SHANK2: variants seen among roughly 807,000 people sequenced by gnomAD.
SHANK2 encodes SH3 and multiple ankyrin repeat domains protein 2.
Under a neutral mutation model 133.7 loss-of-function variants are expected in SHANK2, and 43 were observed. The ratio of observed to expected loss-of-function variants is 0.32; its 90% CI spans 0.25 to 0.41. The LOEUF (loss-of-function observed/expected upper bound fraction) is 0.41, where lower values mean the gene tolerates loss of function less well. Among genes scored for constraint, SHANK2 ranks in the 10% least tolerant of loss-of-function variants. The pLI is 1.00. For synonymous variants in SHANK2, 1,017 were observed against 952.8 expected, an observed-to-expected ratio of 1.07 and a Z score of -1.24; for missense variants, 1,994 against 2,235.8, an observed-to-expected ratio of 0.89 and a Z score of 2.18.
intron 2 of SHANK2, among the ~76,000 whole-genome samples, chr11:71,189,072 G>A (rs1200902514): frequency 3.9e-5 from 6 of 152,192 alleles, no homozygotes; most frequent in East Asian, 1.9e-4. Context: ...GAGGCTCTCC[G>A]GGTTGGGTTG....
intron 2 of SHANK2, among the ~76,000 whole-genome samples, chr11:71,178,917 G>A (rs1156286326): frequency 6.6e-6 from 1 of 152,138 alleles, no homozygotes; most frequent in Non-Finnish European, 1.5e-5. Context: ...TGGGAGGCAG[G>A]GGTTGCAGTG....
intron 2 of SHANK2, among the ~76,000 whole-genome samples, chr11:71,172,663 G>A (rs1281738552): frequency 6.6e-6 from 1 of 151,912 alleles, no homozygotes; most frequent in African/African-American, 2.4e-5. Context: ...GCATCTTCCC[G>A]TGTTTCCAAT....
intron 14 of SHANK2, among the ~76,000 whole-genome samples, chr11:70,727,825 G>C (rs774203560): frequency 2.0e-5 from 3 of 152,206 alleles, no homozygotes; most frequent in African/African-American, 7.2e-5. Flanking sequence ...CCCCCAAGAC[G>C]CTGGATGGGG....
At chr11:70,770,579 G>C (rs1947226777) in intron 14 of SHANK2, among the ~76,000 whole-genome samples, 1 of 152,198 alleles carries the variant, frequency 6.6e-6, no homozygotes, top group Non-Finnish European at 1.5e-5. Context: ...CTCTAAAACG[G>C]GTCCTCAGAT....
chr11:71,165,148 C>A (rs1483308157), intron 2 of SHANK2, among the ~76,000 whole-genome samples: 2 of 151,576 alleles, frequency 1.3e-5, no homozygotes, highest in African/African-American at 4.8e-5. Context: ...ATTCTCTTGT[C>A]TCAGCCTCCC....
intron 17 of SHANK2, among the ~76,000 whole-genome samples, chr11:70,626,171 GT>G (rs1466104634): frequency 6.6e-6 from 1 of 152,172 alleles, no homozygotes; most frequent in Admixed American, 6.5e-5. Context: ...CAGCAGCACC[GT>G]TTGCTGGGCC....
At chr11:70,783,679 A>C (rs1555045741) in intron 14 of SHANK2, among the ~76,000 whole-genome samples, 1 of 150,056 alleles carries the variant, frequency 6.7e-6, no homozygotes, top group Non-Finnish European at 1.5e-5. Context: ...GGAGCTGAGG[A>C]GGCAGAGGGG....
At position 70,788,783 on chromosome 11, in the gene SHANK2, G is replaced by C. The variant is rs181128294; in HGVS notation, c.1777+9660C>G. Among the ~76,000 whole-genome samples, 410 of 152,316 alleles carry C rather than the reference G, an allele frequency of 2.7e-3. 2 individuals carry two copies. The highest frequency in any genetic ancestry group is 9.0e-3 in the African/African-American group (373 of 41,564). ...AAGTGTGTCCTGAAACCCCGACGAG[G>C]CCACACAGGGTGTCCTATAGGAGAC... On this transcript the variant is annotated intron_variant, in intron 14 of 25. Coordinates refer to ENST00000601538, the MANE Select transcript of SHANK2 (RefSeq NM_012309.5).
chr11:70,774,413 A>G (rs1430024978), intron 14 of SHANK2, among the ~76,000 whole-genome samples: 1 of 151,736 alleles, frequency 6.6e-6, no homozygotes, highest in African/African-American at 2.4e-5. Context: ...TCCACCTCCC[A>G]GGTTCAAGCA....
chr11:71,125,761 G>A (rs1367565091), intron 3 of SHANK2, among the ~76,000 whole-genome samples: 1 of 152,226 alleles, frequency 6.6e-6, no homozygotes, highest in Non-Finnish European at 1.5e-5. Context: ...TCTATTGAAA[G>A]AAGATGGCAT....
At chr11:70,744,347 G>A (rs1309099166) in intron 14 of SHANK2, among the ~76,000 whole-genome samples, 1 of 152,204 alleles carries the variant, frequency 6.6e-6, no homozygotes, top group Non-Finnish European at 1.5e-5. Context: ...AAGCATCACT[G>A]AGACCCATGT....
intron 17 of SHANK2, among the ~76,000 whole-genome samples, chr11:70,542,707 G>T (rs1208093548): frequency 6.6e-6 from 1 of 152,166 alleles, no homozygotes; most frequent in Non-Finnish European, 1.5e-5. Context: ...AGTCATGTGG[G>T]CCTGAGTGGC....
At position 70,905,819 on chromosome 11, in the gene SHANK2, T is replaced by G. The variant is rs561483083; in HGVS notation, c.1108-9252A>C. 6.7e-3 allele frequency among the ~76,000 whole-genome samples: 1,013 copies of G among 151,314 alleles called. 18 individuals carry two copies. Among genetic ancestry groups the G allele is most frequent in the African/African-American group, 0.021 (867 of 41,302 alleles). On this transcript the variant is annotated intron_variant, in intron 10 of 25. Transcript: ENST00000601538. The stretch of plus-strand genomic sequence containing the variant: ...CCAGTTTATGTTTTTTTTTTTTTTT[T>G]TTTTTTTTTGAGACGGAGTTTCGCT...
intron 17 of SHANK2, among the ~76,000 whole-genome samples, chr11:70,551,127 T>C (rs548043518): frequency 4.6e-5 from 7 of 152,242 alleles, no homozygotes; most frequent in Admixed American, 3.9e-4. Context: ...GTCTGCATTT[T>C]CACATGTGCT....
chr11:70,785,461 C>CT (rs1355754264), intron 14 of SHANK2, among the ~76,000 whole-genome samples: 3 of 152,074 alleles, frequency 2.0e-5, no homozygotes, highest in East Asian at 1.9e-4. Context: ...CTCCTCTCTC[C>CT]TTTTTTTTGC....
intron 11 of SHANK2, among the ~76,000 whole-genome samples, chr11:70,840,193 C>A (rs1948881413): frequency 6.6e-6 from 1 of 152,188 alleles, no homozygotes; most frequent in Non-Finnish European, 1.5e-5. Context: ...GTGATCGCCA[C>A]CTCAATGTCA....
At chr11:70,710,150 C>A (rs1346316602) in intron 14 of SHANK2, among the ~76,000 whole-genome samples, 7 of 152,142 alleles carry the variant, frequency 4.6e-5, no homozygotes, top group African/African-American at 1.7e-4. Flanking sequence ...GGCTGCTGAG[C>A]GCCTCCTCAG....
At position 70,470,054 on chromosome 11, in the gene SHANK2, T is replaced by G. The variant is rs1473234578; in HGVS notation, c.*2815A>C. On this transcript the variant is annotated 3_prime_UTR_variant, in exon 26 of 26. Transcript: ENST00000601538. ...GATCTTTAGATGAGCAGTTTAACAT[T>G]TGTTCCACCATTAAAGAGGGGCATG... 1 of 152,630 alleles carries G rather than the reference T, an allele frequency of 6.6e-6. No homozygotes were observed. Among genetic ancestry groups the G allele is most frequent in the Non-Finnish European group, 1.5e-5 (1 of 68,044 alleles). The allele number at this position is 152,630 out of a possible 1,614,324, so 9.5% of individuals were successfully genotyped here. A position where few individuals can be genotyped will look rare whatever the true frequency, so the allele number is the denominator to read the frequency against.
At chr11:70,788,041 G>C (rs1310228039) in intron 14 of SHANK2, among the ~76,000 whole-genome samples, 2 of 152,238 alleles carry the variant, frequency 1.3e-5, no homozygotes, top group Non-Finnish European at 1.5e-5. Flanking sequence ...GAAAAGGCTG[G>C]AACGATAACG....
Sources: gnomAD v4.1 joint callset for allele counts (sites outside exome capture counted in the v4.1 genomes callset) on GRCh38, gnomAD v4.1.1 for gene constraint, MANE v1.5 for transcripts, NCBI Gene and HGNC (gene_info 2026-07-23, HGNC 2026-07-21) for gene names.